Variants in ABCA8 observed in about 807,000 individuals in gnomAD.
ABCA8 encodes the protein ATP binding cassette subfamily A member 8, also known as ABC-type organic anion transporter ABCA8.
A neutral mutation model predicts 192.3 loss-of-function variants in ABCA8; 177 were observed. The ratio of observed to expected loss-of-function variants is 0.92; its 90% CI spans 0.81 to 1.04. The LOEUF is 1.04. Among genes scored for constraint, ABCA8 ranks in the 50% least tolerant of loss-of-function variants. The pLI is 0.00. For synonymous variants in ABCA8, 642 were observed against 690.2 expected (o/e 0.93, Z 1.09); for missense variants, 1,915 against 1,904.8 (o/e 1.01, Z -0.10).
intron 1 of ABCA8, among the ~76,000 whole-genome samples, chr17:68,950,351 T>C (rs2068537141): frequency 1.3e-5 from 2 of 152,086 alleles, no homozygotes; most frequent in Non-Finnish European, 2.9e-5. Flanking sequence ...CTTTAAATTT[T>C]ATGTGGAACC....
rs773513957 is a variant in ABCA8, at chr17:68,929,751, A to G, written c.798-49T>C. 5 of 1,514,368 alleles carry G rather than the reference A, an allele frequency of 3.3e-6. No individual in the cohort carries two copies. In the African/African-American group the frequency reaches 4.3e-5, roughly 13 times the overall value. 93.8% of individuals were successfully genotyped at this position (1,514,368 alleles called of 1,614,324 possible). A position where few individuals can be genotyped will look rare whatever the true frequency, so the allele number is the denominator to read the frequency against. ...TTTAGTATTTTATGTTCACTTGAAA[A>G]GGAAGACCTGAAATGGATTCTAAGA... On this transcript the variant is annotated intron_variant, in intron 7 of 39. Transcript: ENST00000586539.
At chr17:68,887,944 T>TATA (rs1491189377) in intron 24 of ABCA8, among the ~76,000 whole-genome samples, 1 of 71,010 alleles carries the variant, frequency 1.4e-5, no homozygotes, top group Non-Finnish European at 2.8e-5. Context: ...GATATATATA[T>TATA]TATATATATG....
intron 17 of ABCA8, among the ~76,000 whole-genome samples, chr17:68,908,287 T>C (rs187097300): frequency 2.6e-5 from 4 of 152,302 alleles, no homozygotes; most frequent in African/African-American, 9.6e-5. Context: ...CTAAATAGAA[T>C]TGTTGTATCG....
intron 25 of ABCA8, 68 bp from the exon 26 acceptor site, chr17:68,887,198 A>G: frequency 1.4e-6 from 2 of 1,381,130 alleles, no homozygotes; most frequent in South Asian, 1.4e-5. Flanking sequence ...TTAGGATTCA[A>G]AACATTGTCA....
chr17:68,885,389 A>G, intron 26 of ABCA8, 74 bp from the exon 27 acceptor site: 1 of 1,417,974 alleles, frequency 7.1e-7, no homozygotes, highest in Non-Finnish European at 9.6e-7. Flanking sequence ...GCTCATCTTG[A>G]AGATATTACT....
chr17:68,873,390 G>A (rs1166344726), intron 37 of ABCA8, among the ~76,000 whole-genome samples: 8 of 152,132 alleles, frequency 5.3e-5, no homozygotes, highest in African/African-American at 2.4e-5. Flanking sequence ...ATTGCTTAAC[G>A]ACCCATTTCT....
chr17:68,924,687 T>C lies in ABCA8; in HGVS notation c.1442+14A>G. 1 of 1,609,256 alleles carries C rather than the reference T, an allele frequency of 6.2e-7. No individual in the cohort carries two copies. The highest frequency in any genetic ancestry group is 8.5e-7 in the Non-Finnish European group (1 of 1,178,290). On this transcript the variant is annotated intron_variant, in intron 11 of 39. Transcript: ENST00000586539. The stretch of plus-strand genomic sequence containing the variant: ...CTGCCTTTTTGCCCTGTTCTCCACC[T>C]GCAGCCTTATTACCTGATGGCTTCT...
intron 18 of ABCA8, 73 bp from the exon 19 acceptor site, chr17:68,906,236 TA>T (rs2067064509): frequency 6.8e-6 from 8 of 1,182,656 alleles, no homozygotes; most frequent in Admixed American, 5.5e-5. Flanking sequence ...TTCAAACTAA[TA>T]AGCACAAATC....
rs143999446 is a variant in ABCA8, at chr17:68,922,487, C to T, written c.1443-187G>A. ...CTTGCCAACCCTGTCTGCACATTGG[C>T]GTCATGTGAGGAGTTACATGTGAGG... On this transcript the variant is annotated intron_variant, in intron 11 of 39. Coordinates refer to ENST00000586539, the MANE Select transcript of ABCA8 (RefSeq NM_001288985.2). Among the ~76,000 whole-genome samples, 206 of 151,942 alleles carry T rather than the reference C, an allele frequency of 1.4e-3. 1 individual carries two copies. Among genetic ancestry groups the T allele is most frequent in the African/African-American group, 4.6e-3 (191 of 41,458 alleles).
At chr17:68,908,440 G>A (rs141961849) in intron 17 of ABCA8, among the ~76,000 whole-genome samples, 142 of 152,298 alleles carry the variant, frequency 9.3e-4, no homozygotes, top group African/African-American at 3.1e-3. Context: ...GGTGACTAAA[G>A]CAGCATTATT....
rs755368079 is a variant in ABCA8, at chr17:68,928,111, A to G, written c.1126-48T>C. 9.7e-6 allele frequency: 14 copies of G among 1,450,342 alleles called. No homozygotes were observed. The African/African-American group carries it at 1.0e-4, about 10-fold the overall frequency. The allele number at this position is 1,450,342 out of a possible 1,614,324, so 89.8% of individuals were successfully genotyped here. On this transcript the variant is annotated intron_variant, in intron 9 of 39. Transcript: ENST00000586539. ...TTAAGGGAAATTAGGTATAAGATACATTTTAAACAGTTAGGTTTAGCATAG... is the reference window on the plus strand; with the variant it reads ...TTAAGGGAAATTAGGTATAAGATACGTTTTAAACAGTTAGGTTTAGCATAG...
intron 17 of ABCA8, among the ~76,000 whole-genome samples, chr17:68,916,327 G>T (rs560655613): frequency 1.3e-5 from 2 of 151,832 alleles, no homozygotes; most frequent in African/African-American, 4.8e-5. Flanking sequence ...TATTAATATT[G>T]CAATATATTG....
At chr17:68,948,102 T>C (rs1000865863) in intron 2 of ABCA8, among the ~76,000 whole-genome samples, 1 of 152,228 alleles carries the variant, frequency 6.6e-6, no homozygotes, top group Non-Finnish European at 1.5e-5. Flanking sequence ...TGCATAGTAT[T>C]CCATGGTGTA....
chr17:68,871,504 C>T (rs893962991), intron 37 of ABCA8, among the ~76,000 whole-genome samples: 13 of 152,152 alleles, frequency 8.5e-5, no homozygotes, highest in Admixed American at 5.9e-4. Context: ...TGACTAATGA[C>T]ATTTAACAGT....
In ABCA8 at chr17:68,867,808, C is replaced by G. The variant is rs1255846695; in HGVS notation, c.*277G>C. The G allele has an allele frequency of 4.1e-6, 1 of 243,364 alleles. No homozygotes were observed. The highest frequency in any genetic ancestry group is 2.2e-5 in the African/African-American group (1 of 44,804). The allele number at this position is 243,364 out of a possible 1,614,324, so 15.1% of individuals were successfully genotyped here. On this transcript the variant is annotated 3_prime_UTR_variant, in exon 40 of 40. Transcript: ENST00000586539. ...TATCTTATCTAGAAACTTATACGAT[C>G]ATGTAAAAGTAAATTTATTTATTCA...
At chr17:68,875,803 AT>A (rs2066189155) in intron 35 of ABCA8, 70 bp from the exon 36 acceptor site, 1 of 1,522,498 alleles carries the variant, frequency 6.6e-7, no homozygotes, top group African/African-American at 1.4e-5. Flanking sequence ...AGAGAAAAGA[AT>A]TTTTAACTGG....
At position 68,944,359 on chromosome 17, in the gene ABCA8, T is replaced by TACATAC. The variant is rs1555619474; in HGVS notation, c.-5-2321_-5-2320insGTATGT. 7.6e-3 allele frequency among the ~76,000 whole-genome samples: 524 copies of TACATAC among 69,306 alleles called. 26 individuals carry two copies. Among genetic ancestry groups the TACATAC allele is most frequent in the African/African-American group, 0.027 (496 of 18,182 alleles). The allele number at this position is 69,306 out of a possible 152,430, so 45.5% of individuals were successfully genotyped here. On this transcript the variant is annotated intron_variant, in intron 2 of 39. Transcript: ENST00000586539. ...ATATATATATATATATATATATATATACACATATACATACATATGCAAACA... is the reference window on the plus strand; with the variant it reads ...ATATATATATATATATATATATATATACATACACACATATACATACATATGCAAACA...
At chr17:68,933,028 T>C (rs2067951415) in intron 6 of ABCA8, 140 bp downstream of exon 6, 3 of 651,250 alleles carry the variant, frequency 4.6e-6, no homozygotes, top group African/African-American at 1.8e-5. Flanking sequence ...CCGTGGTATA[T>C]AGTAACTTCA....
chr17:68,953,684 G>A (rs550537267), intron 1 of ABCA8, among the ~76,000 whole-genome samples: 43 of 152,082 alleles, frequency 2.8e-4, no homozygotes, highest in Non-Finnish European at 5.9e-4. Context: ...AATTCAGCAT[G>A]GATACTTTTA....
Sources: allele counts gnomAD v4.1 joint callset (sites outside exome capture counted in the v4.1 genomes callset), GRCh38; gene constraint gnomAD v4.1.1; transcripts MANE v1.5; gene names NCBI Gene and HGNC (gene_info 2026-07-23, HGNC 2026-07-21).